CCSER1: variants seen among roughly 807,000 people sequenced by gnomAD.
CCSER1 encodes coiled-coil serine rich protein 1, also known as serine-rich coiled-coil domain-containing protein 1.
Under a neutral mutation model 82.0 loss-of-function variants are expected in CCSER1, and 41 were observed. The ratio of observed to expected loss-of-function variants is 0.50; its 90% CI spans 0.39 to 0.65. The LOEUF (loss-of-function observed/expected upper bound fraction) is 0.65, where lower values mean the gene tolerates loss of function less well. CCSER1 is among the 30% of genes least tolerant of loss of function. CCSER1 has a pLI of 0.00. For missense variants in CCSER1, 1,119 were observed against 1,064.2 expected (o/e 1.05, Z -0.72); for synonymous variants, 414 against 383.9 (o/e 1.08, Z -0.92).
At chr4:90,200,013 A>G (rs1469478198) in intron 1 of CCSER1, among the ~76,000 whole-genome samples, 1 of 149,974 alleles carries the variant, frequency 6.7e-6, no homozygotes, top group Non-Finnish European at 1.5e-5. Context: ...CATTTCCTCG[A>G]TCCCCTACCC....
In CCSER1 at chr4:91,146,844, G is replaced by T. The variant is rs146224851; in HGVS notation, c.2217+60850G>T. Among the ~76,000 whole-genome samples, 390 of 152,178 alleles carry T rather than the reference G, an allele frequency of 2.6e-3. 5 individuals carry two copies. The highest frequency in any genetic ancestry group is 0.017 in the Admixed American group (255 of 15,276). On this transcript the variant is annotated intron_variant, in intron 10 of 10. Transcript: ENST00000509176. ...TTAGTAAATGGCACTTAAGAGTAAG[G>T]GTAGGCTCTTAGCTGCGTGCCTGTT...
chr4:90,231,727 T>C (rs1578640275), intron 1 of CCSER1, among the ~76,000 whole-genome samples: 1 of 152,290 alleles, frequency 6.6e-6, no homozygotes. Flanking sequence ...AAAACTCCAT[T>C]GTCTTAGCCC....
chr4:91,068,488 T>G (rs1434612173), intron 9 of CCSER1, among the ~76,000 whole-genome samples: 3 of 152,178 alleles, frequency 2.0e-5, no homozygotes, highest in African/African-American at 7.2e-5. Flanking sequence ...TAAAGTAAGA[T>G]TTCCAGCAGT....
intron 10 of CCSER1, among the ~76,000 whole-genome samples, chr4:91,183,121 A>C (rs1277806811): frequency 6.6e-6 from 1 of 152,256 alleles, no homozygotes; most frequent in Admixed American, 6.5e-5. Context: ...GGTGCATTCT[A>C]CTTCTAACTG....
intron 10 of CCSER1, among the ~76,000 whole-genome samples, chr4:91,462,651 C>T (rs1157493890): frequency 6.6e-6 from 1 of 152,190 alleles, no homozygotes; most frequent in Non-Finnish European, 1.5e-5. Flanking sequence ...AATTGGGTCA[C>T]TCCCACCCTA....
intron 8 of CCSER1, among the ~76,000 whole-genome samples, chr4:90,869,280 C>T (rs978630119): frequency 6.6e-6 from 1 of 151,890 alleles, no homozygotes; most frequent in African/African-American, 2.4e-5. Context: ...TTACCCAGAC[C>T]AAAGTCCTAG....
intron 5 of CCSER1, among the ~76,000 whole-genome samples, chr4:90,562,579 C>T (rs1778904533): frequency 6.6e-6 from 1 of 151,690 alleles, no homozygotes; most frequent in African/African-American, 2.4e-5. Context: ...ACTCTGTCAC[C>T]CAGGCTGGAG....
rs1275237905 is a variant in CCSER1, at chr4:90,644,645, T to C, written c.1932+16413T>C. Among the ~76,000 whole-genome samples the C allele has an allele frequency of 2.0e-5, 3 of 151,622 alleles. No homozygotes were observed. In the East Asian group the frequency reaches 5.8e-4, roughly 30 times the overall value. On this transcript the variant is annotated intron_variant, in intron 6 of 10. Transcript: ENST00000509176. The stretch of plus-strand genomic sequence containing the variant: ...CTCCCCAACCCCCAACAGGCCCCAG[T>C]GCGTGTTGTTCCCCTCCCTCTGTCC...
chr4:91,461,740 G>C (rs1756513504), intron 10 of CCSER1, among the ~76,000 whole-genome samples: 1 of 151,978 alleles, frequency 6.6e-6, no homozygotes, highest in Non-Finnish European at 1.5e-5. Context: ...TTTATTCCTG[G>C]GTTCCCTAAA....
intron 9 of CCSER1, among the ~76,000 whole-genome samples, chr4:90,960,382 A>G (rs1428871283): frequency 1.3e-5 from 2 of 152,122 alleles, no homozygotes; most frequent in Non-Finnish European, 2.9e-5. Context: ...CAGTAGAAAT[A>G]TTTGACTCCT....
intron 5 of CCSER1, among the ~76,000 whole-genome samples, chr4:90,470,913 A>G (rs1764316722): frequency 6.6e-6 from 1 of 152,134 alleles, no homozygotes; most frequent in South Asian, 2.1e-4. Flanking sequence ...TTGATGTTGC[A>G]TGACAAGCCC....
chr4:90,316,824 G>C (rs1736254110), intron 3 of CCSER1, among the ~76,000 whole-genome samples: 1 of 152,132 alleles, frequency 6.6e-6, no homozygotes, highest in South Asian at 2.1e-4. Flanking sequence ...GGAAGCGAAA[G>C]GACAGGATGT....
intron 1 of CCSER1, among the ~76,000 whole-genome samples, chr4:90,136,740 C>T (rs990437942): frequency 2.6e-5 from 4 of 152,032 alleles, no homozygotes; most frequent in African/African-American, 9.7e-5. Flanking sequence ...AGGACCAAAA[C>T]GTTAAGTCTG....
chr4:90,381,720 A>G (rs537225641), intron 3 of CCSER1, among the ~76,000 whole-genome samples: 2 of 152,244 alleles, frequency 1.3e-5, no homozygotes, highest in South Asian at 4.1e-4. Context: ...AATCATGAGA[A>G]TGAAGGGTTG....
chr4:90,963,232 C>G (rs1734214532), intron 9 of CCSER1, among the ~76,000 whole-genome samples: 1 of 152,034 alleles, frequency 6.6e-6, no homozygotes, highest in South Asian at 2.1e-4. Flanking sequence ...CAAATTTGAT[C>G]AGTACATCTA....
rs1283684478 is a variant in CCSER1 at position 90,932,999 on chromosome 4, A to G, written c.2172+9552A>G. ...GAAAGAAAGAGAAAGAAAGAAAGAA[A>G]GAAAGAAAGAAAGAAAGAAAGAAAG... is the stretch of plus-strand genomic sequence containing the variant. On this transcript the variant is annotated intron_variant, in intron 9 of 10. Transcript: ENST00000509176. 2.3e-3 allele frequency among the ~76,000 whole-genome samples: 128 copies of G among 54,532 alleles called. 39 individuals carry two copies. The highest frequency in any genetic ancestry group is 3.2e-3 in the Non-Finnish European group (97 of 29,922). The allele number at this position is 54,532 out of a possible 152,430, so 35.8% of individuals were successfully genotyped here.
intron 6 of CCSER1, among the ~76,000 whole-genome samples, chr4:90,633,441 C>T (rs1038475943): frequency 2.6e-5 from 4 of 151,912 alleles, no homozygotes; most frequent in African/African-American, 9.7e-5. Context: ...GATATAATTT[C>T]CTGAAGCTTT....
At chr4:90,528,042 T>C (rs969120070) in intron 5 of CCSER1, among the ~76,000 whole-genome samples, 4 of 152,156 alleles carry the variant, frequency 2.6e-5, no homozygotes, top group Non-Finnish European at 5.9e-5. Flanking sequence ...CAAGCAGTTA[T>C]TTATAACAAA....
At chr4:90,211,915 C>T (rs776296473) in intron 1 of CCSER1, among the ~76,000 whole-genome samples, 10 of 151,962 alleles carry the variant, frequency 6.6e-5, no homozygotes, top group East Asian at 1.9e-4. Flanking sequence ...TAAAGTTGGA[C>T]GGAAACACAG....
Sources: gnomAD v4.1 joint callset for allele counts (sites outside exome capture counted in the v4.1 genomes callset) on GRCh38, gnomAD v4.1.1 for gene constraint, MANE v1.5 for transcripts, NCBI Gene and HGNC (gene_info 2026-07-23, HGNC 2026-07-21) for gene names.